The following FAAH2 variants were observed in gnomAD, a reference collection of about 807,000 sequenced individuals.
FAAH2 encodes fatty-acid amide hydrolase 2.
Under a neutral mutation model 36.9 loss-of-function variants are expected in FAAH2, and 60 were observed. The ratio of observed to expected loss-of-function variants is 1.63; its 90% confidence interval spans 1.32 to 2.02. The LOEUF is 2.02. Among genes scored for constraint, FAAH2 ranks in the 30% most tolerant of loss-of-function variants. FAAH2 has a pLI of 0.00. For synonymous variants in FAAH2, 214 were observed against 143.8 expected (o/e 1.49, Z -3.49); for missense variants, 689 against 397.5 (o/e 1.73, Z -6.23).
chrX:57,260,491 G>A, the FAAH2 span, among the ~76,000 whole-genome samples: 315 of 111,876 alleles, frequency 2.8e-3, no homozygotes, highest in African/African-American at 9.6e-3. Flanking sequence ...GGGATCTTAG[G>A]TTTGGCAAAG....
chrX:57,473,125 T>C (rs2057200523), intron 10 of FAAH2, among the ~76,000 whole-genome samples: 1 of 111,388 alleles, frequency 9.0e-6, no homozygotes, highest in Non-Finnish European at 1.9e-5. Flanking sequence ...TGAATTAGTT[T>C]GTTAATTTTA....
chrX:57,436,825 C>T (rs12844528), intron 8 of FAAH2, among the ~76,000 whole-genome samples: 2 of 110,964 alleles, frequency 1.8e-5, no homozygotes, highest in Non-Finnish European at 3.8e-5. Flanking sequence ...ATAAACAGTT[C>T]TTTTGAAATT....
chrX:57,390,265 C>A (rs927354214), intron 7 of FAAH2, among the ~76,000 whole-genome samples: 3 of 111,703 alleles, frequency 2.7e-5, no homozygotes, highest in Admixed American at 1.9e-4. Flanking sequence ...TTGCCAAGAC[C>A]AATGTCACGG....
At chrX:57,385,253 C>T (rs55818325) in intron 7 of FAAH2, among the ~76,000 whole-genome samples, 36,903 of 95,950 alleles carry the variant, frequency 0.38, 6,105 homozygotes, top group Middle Eastern at 0.65. Context: ...ATGTTGTGCA[C>T]ATGTACCCTA....
chrX:57,393,463 T>C (rs1248156568), intron 7 of FAAH2: 9 of 926,519 alleles, frequency 9.7e-6, no homozygotes, highest in Non-Finnish European at 1.3e-5. Flanking sequence ...CAAACCCTTC[T>C]GGGCCAACAA....
At chrX:57,339,528 A>G (rs1359235136) in intron 4 of FAAH2, among the ~76,000 whole-genome samples, 3 of 109,317 alleles carry the variant, frequency 2.7e-5, no homozygotes, top group Non-Finnish European at 5.7e-5. Flanking sequence ...ACAAAGGTCT[A>G]ATATGCAGTG....
At chrX:57,269,134 C>T in the FAAH2 span, among the ~76,000 whole-genome samples, 7 of 111,407 alleles carry the variant, frequency 6.3e-5, no homozygotes, top group African/African-American at 1.3e-4. Context: ...CACAGAAAAA[C>T]GTCAAATAAT....
intron 5 of FAAH2, among the ~76,000 whole-genome samples, chrX:57,353,183 C>T (rs749600305): frequency 1.8e-5 from 2 of 109,784 alleles, no homozygotes; most frequent in East Asian, 5.7e-4. Flanking sequence ...TAGTGCATTA[C>T]CTCACTTCGG....
chrX:57,196,990 T>C, the FAAH2 span, among the ~76,000 whole-genome samples: 1 of 112,126 alleles, frequency 8.9e-6, no homozygotes, highest in Admixed American at 9.4e-5. Flanking sequence ...TAAATTTCTC[T>C]TCTTTTGGGG....
chrX:57,437,303 C>T lies in FAAH2; in HGVS notation c.1116+5266C>T, dbSNP rs997653000. Among the ~76,000 whole-genome samples, 8 of 110,972 alleles carry T rather than the reference C, an allele frequency of 7.2e-5. No individual in the cohort carries two copies. In the Admixed American group the frequency reaches 7.7e-4, roughly 11 times the overall value. ...AATGGAGAAAAGTTGAAAGCATTTC[C>T]TCTAAGAACTAGAACAAGACAAGGA... is the stretch of plus-strand genomic sequence containing the variant. On this transcript the variant is annotated intron_variant, in intron 8 of 10. Transcript: ENST00000374900.
chrX:57,327,687 C>T (rs2053258530), intron 3 of FAAH2, among the ~76,000 whole-genome samples: 1 of 111,609 alleles, frequency 9.0e-6, no homozygotes, highest in Admixed American at 9.5e-5. Context: ...TTTTTGGCTC[C>T]ATCAGGTCCT....
intron 5 of FAAH2, among the ~76,000 whole-genome samples, chrX:57,362,580 C>T (rs1359879316): frequency 3.6e-5 from 4 of 111,635 alleles, no homozygotes; most frequent in Non-Finnish European, 7.5e-5. Flanking sequence ...GTTTCTTTTG[C>T]TGTGCAAAAG....
At chrX:57,476,934 G>A (rs2057282480) in intron 10 of FAAH2, among the ~76,000 whole-genome samples, 1 of 110,450 alleles carries the variant, frequency 9.1e-6, no homozygotes, top group Admixed American at 9.7e-5. Context: ...TTCAGAGGGT[G>A]TATGTGTCCA....
chrX:57,429,959 C>A (rs1453329658), intron 7 of FAAH2, among the ~76,000 whole-genome samples: 1 of 110,579 alleles, frequency 9.0e-6, no homozygotes, highest in Non-Finnish European at 1.9e-5. Flanking sequence ...CATATTTTCA[C>A]TTATAAGTGA....
intron 2 of FAAH2, among the ~76,000 whole-genome samples, chrX:57,295,070 G>A (rs780901542): frequency 8.9e-6 from 1 of 112,055 alleles, no homozygotes; most frequent in Non-Finnish European, 1.9e-5. Context: ...GGAAATGCCT[G>A]CAGAGCTGGG....
chrX:57,344,813 G>T lies in FAAH2; in HGVS notation c.742+3423G>T, dbSNP rs149092983. ...TCATGAAGGAATGTTTGATTTTATT[G>T]AAGTCTCTTTCTGAATCTATTGAGA... On this transcript the variant is annotated intron_variant, in intron 5 of 10. Transcript: ENST00000374900. 8.6e-4 allele frequency among the ~76,000 whole-genome samples: 96 copies of T among 111,106 alleles called. 1 individual carries two copies. In the East Asian group the frequency reaches 0.026, roughly 30 times the overall value.
intron 7 of FAAH2, among the ~76,000 whole-genome samples, chrX:57,384,212 A>G (rs1466337664): frequency 9.2e-6 from 1 of 108,811 alleles, no homozygotes; most frequent in Non-Finnish European, 1.9e-5. Flanking sequence ...ACCTAAAACC[A>G]TAAAAACCCT....
At chrX:57,336,424 G>T (rs758622954) in intron 4 of FAAH2, among the ~76,000 whole-genome samples, 1 of 111,643 alleles carries the variant, frequency 9.0e-6, no homozygotes, top group Admixed American at 9.6e-5. Flanking sequence ...AAGCCTGTTT[G>T]GTGGTCTCTT....
chrX:57,198,802 T>A, the FAAH2 span, among the ~76,000 whole-genome samples: 2 of 112,160 alleles, frequency 1.8e-5, no homozygotes, highest in African/African-American at 6.5e-5. Flanking sequence ...TCTTCTACTT[T>A]TATATTTCAC....
Sources: allele counts gnomAD v4.1 joint callset (sites outside exome capture counted in the v4.1 genomes callset), GRCh38; gene constraint gnomAD v4.1.1; transcripts MANE v1.5; gene names NCBI Gene and HGNC (gene_info 2026-07-23, HGNC 2026-07-21).